SUPT3H: variants seen among roughly 807,000 people sequenced by gnomAD.
SUPT3H encodes SPT3 homolog, SAGA and STAGA complex component.
In SUPT3H, 44 loss-of-function variants were observed where a neutral mutation model predicts 44.3. That is an observed-to-expected ratio of 0.99 (90% CI 0.78 to 1.28). The LOEUF is 1.28. SUPT3H is among the 50% of genes most tolerant of loss of function. SUPT3H has a pLI of 0.00. For synonymous variants in SUPT3H, 124 were observed against 125.6 expected, an observed-to-expected ratio of 0.99 and a Z score of 0.09; for missense variants, 380 against 387.1, an observed-to-expected ratio of 0.98 and a Z score of 0.15.
chr6:45,159,936 T>G (rs768311698), intron 2 of SUPT3H, among the ~76,000 whole-genome samples: 2 of 152,156 alleles, frequency 1.3e-5, no homozygotes, highest in Non-Finnish European at 2.9e-5. Flanking sequence ...TAACACAACA[T>G]AGTCCACAAT....
intron 2 of SUPT3H, among the ~76,000 whole-genome samples, chr6:45,145,917 G>T (rs1805982473): frequency 6.6e-6 from 1 of 152,080 alleles, no homozygotes; most frequent in African/African-American, 2.4e-5. Flanking sequence ...ATGAAAAAAT[G>T]CTCAACATCA....
chr6:45,132,875 C>T (rs967709320), intron 2 of SUPT3H, among the ~76,000 whole-genome samples: 3 of 152,098 alleles, frequency 2.0e-5, no homozygotes, highest in African/African-American at 7.2e-5. Context: ...TTATCACCCC[C>T]TTTACAAAAA....
In SUPT3H at chr6:45,296,738, C is replaced by CAAAAAA. The variant is rs60921436; in HGVS notation, c.101+68457_101+68462dup. On this transcript the variant is annotated intron_variant, in intron 2 of 10. Transcript: ENST00000371459. ...TGGCCAACAGAGTAAGACTCTGTCT[C>CAAAAAA]AAAAAAAAAAAAAAAAAAAAAAAAA... is the stretch of plus-strand genomic sequence containing the variant. Among the ~76,000 whole-genome samples the CAAAAAA allele has an allele frequency of 3.2e-3, 95 of 29,694 alleles. 8 individuals are homozygous for CAAAAAA. Among genetic ancestry groups the CAAAAAA allele is most frequent in the Non-Finnish European group, 4.9e-3 (73 of 14,828 alleles). 19.5% of individuals were successfully genotyped at this position (29,694 alleles called of 152,430 possible). A position where few individuals can be genotyped will look rare whatever the true frequency, so the allele number is the denominator to read the frequency against.
chr6:44,907,977 G>A (rs1232281418), intron 10 of SUPT3H, among the ~76,000 whole-genome samples: 2 of 152,050 alleles, frequency 1.3e-5, no homozygotes, highest in South Asian at 2.1e-4. Context: ...GAACTGTGGA[G>A]GACCAAAGAG....
At chr6:44,859,281 CAGA>C (rs747720703) in intron 10 of SUPT3H, among the ~76,000 whole-genome samples, 18 of 152,154 alleles carry the variant, frequency 1.2e-4, no homozygotes, top group Non-Finnish European at 2.1e-4. Flanking sequence ...CAAATGCTCA[CAGA>C]AGGAAACAGA....
At chr6:45,239,101 T>C (rs1310355489) in intron 2 of SUPT3H, among the ~76,000 whole-genome samples, 2 of 152,242 alleles carry the variant, frequency 1.3e-5, no homozygotes, top group Non-Finnish European at 2.9e-5. Flanking sequence ...AATTGAGGTA[T>C]TGACTGCTTT....
At chr6:45,309,162 G>GAA (rs147009181) in intron 2 of SUPT3H, among the ~76,000 whole-genome samples, 18 of 133,544 alleles carry the variant, frequency 1.3e-4, no homozygotes, top group Non-Finnish European at 2.1e-4. Context: ...AAATATTTAG[G>GAA]AAAAAAAAAA....
At chr6:45,164,076 C>T (rs548995876) in intron 2 of SUPT3H, among the ~76,000 whole-genome samples, 1 of 152,226 alleles carries the variant, frequency 6.6e-6, no homozygotes, top group East Asian at 1.9e-4. Context: ...CAGCTAAGGT[C>T]TAACAGGGAG....
intron 10 of SUPT3H, among the ~76,000 whole-genome samples, chr6:44,880,977 A>G (rs780023185): frequency 8.5e-5 from 13 of 152,068 alleles, no homozygotes; most frequent in East Asian, 3.9e-4. Flanking sequence ...AACATACCAA[A>G]TTCTAAAGAC....
chr6:45,094,221 G>A (rs896386070), intron 3 of SUPT3H, among the ~76,000 whole-genome samples: 7 of 152,072 alleles, frequency 4.6e-5, no homozygotes, highest in African/African-American at 1.2e-4. Context: ...CATGGTACAG[G>A]ATACAAGTAG....
At chr6:45,111,289 C>G (rs546314651) in intron 2 of SUPT3H, among the ~76,000 whole-genome samples, 1 of 152,068 alleles carries the variant, frequency 6.6e-6, no homozygotes, top group East Asian at 1.9e-4. Context: ...CCTCAGCCTC[C>G]CAAAGTGCTA....
At chr6:45,185,280 C>A (rs1814001718) in intron 2 of SUPT3H, among the ~76,000 whole-genome samples, 1 of 152,052 alleles carries the variant, frequency 6.6e-6, no homozygotes, top group African/African-American at 2.4e-5. Flanking sequence ...AAGAGTTGAG[C>A]CTGAACTACC....
At chr6:45,027,332 T>G (rs1786193696) in intron 3 of SUPT3H, among the ~76,000 whole-genome samples, 1 of 152,112 alleles carries the variant, frequency 6.6e-6, no homozygotes, top group African/African-American at 2.4e-5. Flanking sequence ...CTGCTCTTTC[T>G]CATTTCCTTC....
intron 3 of SUPT3H, among the ~76,000 whole-genome samples, chr6:45,051,763 T>C (rs1722932032): frequency 6.6e-6 from 1 of 152,258 alleles, no homozygotes; most frequent in Non-Finnish European, 1.5e-5. Context: ...TAAGTACATA[T>C]GCAAAGGAGT....
intron 5 of SUPT3H, among the ~76,000 whole-genome samples, chr6:45,012,642 A>C (rs557167555): frequency 1.3e-5 from 2 of 151,956 alleles, no homozygotes; most frequent in East Asian, 3.9e-4. Context: ...GCTAAGTCCT[A>C]CATCTGGGCC....
At chr6:45,071,378 C>T (rs967729421) in intron 3 of SUPT3H, among the ~76,000 whole-genome samples, 5 of 152,114 alleles carry the variant, frequency 3.3e-5, no homozygotes, top group Non-Finnish European at 5.9e-5. Context: ...CCAGTAAACT[C>T]TTTATTATTT....
intron 2 of SUPT3H, among the ~76,000 whole-genome samples, chr6:45,262,574 C>T (rs1186112649): frequency 6.6e-6 from 1 of 151,954 alleles, no homozygotes; most frequent in Non-Finnish European, 1.5e-5. Flanking sequence ...GAAAACCTAG[C>T]GTACCTATCT....
At chr6:45,124,054 C>A (rs902774010) in intron 2 of SUPT3H, among the ~76,000 whole-genome samples, 3 of 152,098 alleles carry the variant, frequency 2.0e-5, no homozygotes, top group Non-Finnish European at 4.4e-5. Flanking sequence ...TAATCAAACA[C>A]CAGTATCAAA....
At position 45,295,547 on chromosome 6, in the gene SUPT3H, A is replaced by AAC. The variant is rs1428880023; in HGVS notation, c.101+69653_101+69654insGT. Reference sequence around the variant, plus strand: ...AGCAAAAAAAAAAAAAAAAAAAAAAAAAAAAAACAGCAGAGTCAACAGACA... The same window carrying AAC: ...AGCAAAAAAAAAAAAAAAAAAAAAAAACAAAAAAACAGCAGAGTCAACAGACA... On this transcript the variant is annotated intron_variant, in intron 2 of 10. Coordinates refer to ENST00000371459, the MANE Select transcript of SUPT3H (RefSeq NM_003599.4). Among the ~76,000 whole-genome samples the AAC allele has an allele frequency of 2.1e-3, 264 of 128,442 alleles. 5 individuals carry two copies. Among genetic ancestry groups the AAC allele is most frequent in the African/African-American group, 7.4e-3 (249 of 33,724 alleles). The allele number at this position is 128,442 out of a possible 152,430, so 84.3% of individuals were successfully genotyped here. A position where few individuals can be genotyped will look rare whatever the true frequency, so the allele number is the denominator to read the frequency against.
Sources: allele counts gnomAD v4.1 joint callset (sites outside exome capture counted in the v4.1 genomes callset), GRCh38; gene constraint gnomAD v4.1.1; transcripts MANE v1.5; gene names NCBI Gene and HGNC (gene_info 2026-07-23, HGNC 2026-07-21).